GSN: variants seen among roughly 807,000 people sequenced by gnomAD.
GSN encodes the protein gelsolin, also known as actin-depolymerizing factor.
A neutral mutation model predicts 85.7 loss-of-function variants in GSN; 56 were observed. That is an observed-to-expected ratio of 0.65 (90% CI 0.53 to 0.82). The LOEUF (loss-of-function observed/expected upper bound fraction) is 0.82. Among genes scored for constraint, GSN ranks in the 40% least tolerant of loss-of-function variants. GSN has a pLI of 0.00. For missense variants in GSN, 857 were observed against 979.8 expected, an observed-to-expected ratio of 0.87 and a Z score of 1.67; for synonymous variants, 373 against 399.1, an observed-to-expected ratio of 0.93 and a Z score of 0.78.
At chr9:121,266,345 T>C (rs982064868), upstream of GSN, among the ~76,000 whole-genome samples, 8 of 152,292 alleles carry the variant, frequency 5.3e-5, no homozygotes, top group African/African-American at 1.9e-4. Context: ...GGAAATGATA[T>C]GTTAGATAAT....
chr9:121,237,885 A>AT (rs2054527907), intron 5 of GSN, among the ~76,000 whole-genome samples: 3 of 152,210 alleles, frequency 2.0e-5, no homozygotes, highest in Non-Finnish European at 4.4e-5. Context: ...CCCTGCAGCT[A>AT]CTTTTAGCAA....
At chr9:121,251,796 T>A (rs762469262) in intron 6 of GSN, among the ~76,000 whole-genome samples, 7 of 151,538 alleles carry the variant, frequency 4.6e-5, no homozygotes, top group Non-Finnish European at 7.4e-5. Flanking sequence ...CTGTCTCTAT[T>A]AAAAATACAA....
At chr9:121,312,635 T>C (rs1434811615) in intron 6 of GSN, 147 bp downstream of exon 6, 6 of 692,714 alleles carry the variant, frequency 8.7e-6, no homozygotes, top group African/African-American at 1.8e-5. Flanking sequence ...CTTTTTTATT[T>C]TAATTTTTGA....
chr9:121,275,314 A>T (rs1357021096), intron 1 of GSN, among the ~76,000 whole-genome samples: 1 of 152,202 alleles, frequency 6.6e-6, no homozygotes, highest in African/African-American at 2.4e-5. Flanking sequence ...TTTCTCAGCT[A>T]TACAGTTAGG....
intron 10 of GSN, among the ~76,000 whole-genome samples, chr9:121,320,777 C>G (rs1411000539): frequency 2.0e-5 from 3 of 151,890 alleles, no homozygotes; most frequent in African/African-American, 7.3e-5. Flanking sequence ...ACAGAGCAGT[C>G]CCTTTGTGCC....
At chr9:121,291,688 G>A (rs1397088039) in intron 2 of GSN, among the ~76,000 whole-genome samples, 1 of 152,034 alleles carries the variant, frequency 6.6e-6, no homozygotes, top group African/African-American at 2.4e-5. Flanking sequence ...CCAAAGTGCT[G>A]GAATTACAGG....
chr9:121,213,591 A>G (rs1439115970), intron 4 of GSN, among the ~76,000 whole-genome samples: 1 of 152,090 alleles, frequency 6.6e-6, no homozygotes, highest in Non-Finnish European at 1.5e-5. Context: ...TAAAATCCTG[A>G]CTCTGCCGTC....
At chr9:121,317,856 A>C (rs2061899198) in intron 8 of GSN, 1 of 162,060 alleles carries the variant, frequency 6.2e-6, no homozygotes, top group Admixed American at 6.2e-5. Context: ...GTGGGGAGAA[A>C]GAGAGAGAGA....
chr9:121,297,066 G>A (rs536562780), intron 2 of GSN, among the ~76,000 whole-genome samples: 1 of 152,330 alleles, frequency 6.6e-6, no homozygotes, highest in South Asian at 2.1e-4. Context: ...GGCAGTTGCT[G>A]GCCCAGGTTC....
intron 6 of GSN, among the ~76,000 whole-genome samples, chr9:121,252,911 G>T (rs1233471427): frequency 6.6e-6 from 1 of 152,148 alleles, no homozygotes; most frequent in South Asian, 2.1e-4. Flanking sequence ...AGTCTGGGGG[G>T]ACTATAGGAA....
rs754692493 is a variant in GSN, at chr9:121,329,277, G to A, written c.1927G>A (p.Ala643Thr). Residue 643 changes from alanine (A) to threonine (T), a missense_variant, in exon 16 of 18, where the codon GCA becomes ACA. By Grantham distance (58) the Ala-to-Thr change is moderately conservative (BLOSUM62 0). Transcript: ENST00000432226. The surrounding 1 kb of genome is among the most constrained non-coding windows in gnomAD (Gnocchi z 4.6). The part of the protein sequence containing the change: ...VPGELMQEDL[A>T]TDDVMLLDTW... ...TGGTGAGCTCATGCAGGAAGACCTGGCAACGGATGACGTCATGCTTCTGGA... is the reference window on the plus strand; with the variant it reads ...TGGTGAGCTCATGCAGGAAGACCTGACAACGGATGACGTCATGCTTCTGGA... 7.4e-6 allele frequency: 12 copies of A among 1,612,358 alleles called. No individual in the cohort carries two copies. The highest frequency in any genetic ancestry group is 9.3e-6 in the Non-Finnish European group (11 of 1,178,416).
At chr9:121,328,706 C>A in intron 14 of GSN, 185 bp from the exon 15 acceptor site, 1 of 662,980 alleles carries the variant, frequency 1.5e-6, no homozygotes. Context: ...CCTCTCTGGG[C>A]CTCTATTTCG....
intron 2 of GSN, among the ~76,000 whole-genome samples, chr9:121,287,084 C>T (rs1003597777): frequency 2.0e-5 from 3 of 152,172 alleles, no homozygotes; most frequent in Admixed American, 6.5e-5. Context: ...CCTCCGACTC[C>T]ACCCTGTGTT....
At chr9:121,313,240 A>G (rs1164601830) in intron 6 of GSN, 1 of 155,062 alleles carries the variant, frequency 6.4e-6, no homozygotes, top group Non-Finnish European at 1.4e-5. Flanking sequence ...ACATGGTGGG[A>G]TTGCCAGCCA....
intron 6 of GSN, among the ~76,000 whole-genome samples, chr9:121,260,836 C>G (rs941148880): frequency 6.6e-6 from 1 of 151,942 alleles, no homozygotes; most frequent in African/African-American, 2.4e-5. Flanking sequence ...GAAAAAGAAA[C>G]AGAAGTGCAA....
intron 5 of GSN, chr9:121,312,021 T>C (rs1395784690): frequency 2.9e-6 from 1 of 345,220 alleles, no homozygotes; most frequent in Non-Finnish European, 5.5e-6. Flanking sequence ...CTTTAGTGGC[T>C]ATGGCCAAAT....
In GSN at chr9:121,239,167, A is replaced by G. The variant is rs1037249438; in HGVS notation, c.-389+7864A>G. 9.2e-6 allele frequency: 3 copies of G among 326,826 alleles called. No individual in the cohort carries two copies. In the East Asian group the frequency reaches 2.3e-4, roughly 25 times the overall value. 20.2% of individuals were successfully genotyped at this position (326,826 alleles called of 1,614,324 possible). A position where few individuals can be genotyped will look rare whatever the true frequency, so the allele number is the denominator to read the frequency against. On this transcript the variant is annotated intron_variant, in intron 5 of 24. Transcript: ENST00000373823. ...TAAGTCTGTATAAGTGTAACCTGTG[A>G]AGCCTCATCAACCAGGAATCTCTTC...
chr9:121,272,624 C>G (rs992100399), intron 1 of GSN, among the ~76,000 whole-genome samples: 1 of 152,132 alleles, frequency 6.6e-6, no homozygotes, highest in African/African-American at 2.4e-5. Flanking sequence ...GGAGTTGAGG[C>G]CTAGGATTTG....
At chr9:121,216,587 C>T (rs2054068513) in intron 4 of GSN, among the ~76,000 whole-genome samples, 1 of 152,184 alleles carries the variant, frequency 6.6e-6, no homozygotes, top group African/African-American at 2.4e-5. Context: ...AAGCCACTTC[C>T]TCTGTGATGC....
Sources: gnomAD v4.1 joint callset for allele counts (sites outside exome capture counted in the v4.1 genomes callset) on GRCh38, gnomAD v4.1.1 for gene constraint, Gnocchi (gnomAD v3.1) non-coding constraint, MANE v1.5 for transcripts, NCBI Gene and HGNC (gene_info 2026-07-23, HGNC 2026-07-21) for gene names.